EYS: variants seen among roughly 807,000 people sequenced by gnomAD.
The protein encoded by EYS is protein eyes shut homolog.
EYS carries 250 observed loss-of-function variants against 282.1 expected under a neutral mutation model. The ratio of observed to expected loss-of-function variants is 0.89; its 90% CI spans 0.80 to 0.98. The LOEUF (loss-of-function observed/expected upper bound fraction) is 0.98, where lower values mean the gene tolerates loss of function less well. Ranked by LOEUF, EYS falls within the 50% of genes least tolerant of loss-of-function variation. The pLI is 0.00. For missense variants in EYS, 4,016 were observed against 3,709.0 expected (o/e 1.08, Z -2.15); for synonymous variants, 1,355 against 1,282.9 (o/e 1.06, Z -1.20).
intron 26 of EYS, among the ~76,000 whole-genome samples, chr6:64,528,835 C>T (rs1237252671): frequency 1.2e-4 from 18 of 151,980 alleles, no homozygotes; most frequent in Admixed American, 1.2e-3. Context: ...GGTCATGTTA[C>T]AGATTTGGTG....
intron 36 of EYS, among the ~76,000 whole-genome samples, chr6:63,834,722 A>G (rs1194292294): frequency 6.6e-6 from 1 of 151,946 alleles, no homozygotes; most frequent in Non-Finnish European, 1.5e-5. Flanking sequence ...AAAAGATTAT[A>G]AATCATGCTG....
intron 35 of EYS, among the ~76,000 whole-genome samples, chr6:63,865,521 A>C (rs1384737296): frequency 1.3e-5 from 2 of 151,422 alleles, no homozygotes; most frequent in African/African-American, 4.9e-5. Context: ...TACAGATCTT[A>C]GGAGTTTACA....
intron 31 of EYS, among the ~76,000 whole-genome samples, chr6:64,143,356 TAAA>T (rs60699526): frequency 0.027 from 2,416 of 89,786 alleles, 76 homozygotes; most frequent in African/African-American, 0.069. Context: ...TCATTTATTG[TAAA>T]AAAAAAAAAA....
intron 2 of EYS, among the ~76,000 whole-genome samples, chr6:65,522,109 T>C (rs1767396133): frequency 1.3e-5 from 2 of 152,204 alleles, no homozygotes; most frequent in Non-Finnish European, 2.9e-5. Flanking sequence ...CAAAAATATT[T>C]AGTATTTCTA....
intron 2 of EYS, among the ~76,000 whole-genome samples, chr6:65,620,298 G>A (rs1472903513): frequency 3.9e-5 from 6 of 152,214 alleles, no homozygotes; most frequent in South Asian, 2.1e-4. Flanking sequence ...TGTATGTGTC[G>A]AGGAATTCAT....
intron 6 of EYS, among the ~76,000 whole-genome samples, chr6:65,404,603 GTTC>G (rs984003344): frequency 6.6e-6 from 1 of 151,604 alleles, no homozygotes. Context: ...AGTAAAAAAT[GTTC>G]TTCTATAAAC....
intron 35 of EYS, among the ~76,000 whole-genome samples, chr6:63,904,386 GAT>G (rs1773726845): frequency 1.3e-5 from 2 of 151,866 alleles, no homozygotes; most frequent in South Asian, 4.2e-4. Context: ...AGCAACTGAT[GAT>G]ATAGCAATGT....
At chr6:63,874,646 TTGAGCAG>T (rs983932723) in intron 35 of EYS, among the ~76,000 whole-genome samples, 29 of 152,178 alleles carry the variant, frequency 1.9e-4, no homozygotes, top group Non-Finnish European at 2.9e-5. Flanking sequence ...TGTTCTTCCA[TTGAGCAG>T]TGGTTTGTAG....
At chr6:64,635,827 G>T (rs1166736273) in intron 22 of EYS, among the ~76,000 whole-genome samples, 2 of 152,184 alleles carry the variant, frequency 1.3e-5, no homozygotes, top group East Asian at 1.9e-4. Context: ...TCAGGATGAT[G>T]CTGGCTTCAT....
Position 64,403,584 on chromosome 6 carries a change from C to T in EYS, c.5928-14744G>A, listed in dbSNP as rs187491482. On this transcript the variant is annotated intron_variant, in intron 28 of 42. Transcript: ENST00000503581. Reference sequence around the variant, plus strand: ...ATATTGGCCAGGCTGGTCTCGGACTCCTGACCTTGTGATCTGCCTGCCTCA... The same window carrying T: ...ATATTGGCCAGGCTGGTCTCGGACTTCTGACCTTGTGATCTGCCTGCCTCA... Among the ~76,000 whole-genome samples the T allele has an allele frequency of 1.4e-4, 22 of 152,232 alleles. No individual in the cohort carries two copies. In the East Asian group the frequency reaches 4.1e-3, roughly 28 times the overall value.
chr6:65,255,059 C>G (rs952264221), intron 12 of EYS, among the ~76,000 whole-genome samples: 1 of 151,576 alleles, frequency 6.6e-6, no homozygotes, highest in Non-Finnish European at 1.5e-5. Flanking sequence ...ACAAAAGACC[C>G]AGAATAGCCA....
At chr6:63,996,061 A>AAT (rs1767820907) in intron 34 of EYS, among the ~76,000 whole-genome samples, 1 of 151,996 alleles carries the variant, frequency 6.6e-6, no homozygotes, top group African/African-American at 2.4e-5. Context: ...GTACCTGATA[A>AAT]ATATATACTA....
chr6:65,391,207 A>G (rs980175221), intron 7 of EYS, among the ~76,000 whole-genome samples: 14 of 152,132 alleles, frequency 9.2e-5, no homozygotes, highest in Admixed American at 1.3e-4. Context: ...GGGCCAGATT[A>G]CAGGATACCT....
intron 19 of EYS, among the ~76,000 whole-genome samples, chr6:64,857,623 A>C (rs937908262): frequency 1.3e-5 from 2 of 152,184 alleles, no homozygotes; most frequent in Non-Finnish European, 2.9e-5. Flanking sequence ...ATATGTATTC[A>C]GAAGTAGATA....
At position 65,300,352 on chromosome 6, in the gene EYS, C is replaced by T. The variant is rs145945262; in HGVS notation, c.1767-4233G>A. ...TCCTTACTTGACTTCCTATTTTAAG[C>T]GAAGTATATTATTTTTAGGTTAGAC... On this transcript the variant is annotated intron_variant, in intron 11 of 42. Coordinates refer to ENST00000503581, the MANE Select transcript of EYS (RefSeq NM_001142800.2). Among the ~76,000 whole-genome samples, 186 of 152,182 alleles carry T rather than the reference C, an allele frequency of 1.2e-3. 1 individual carries two copies. The highest frequency in any genetic ancestry group is 4.0e-3 in the African/African-American group (167 of 41,530).
At chr6:65,535,677 T>C (rs2127314276) in intron 2 of EYS, among the ~76,000 whole-genome samples, 1 of 152,322 alleles carries the variant, frequency 6.6e-6, no homozygotes, top group Admixed American at 6.5e-5. Context: ...TGAAGGCTGT[T>C]ACCAGAGGAT....
At chr6:65,472,465 A>G (rs898749501) in intron 5 of EYS, among the ~76,000 whole-genome samples, 2 of 152,076 alleles carry the variant, frequency 1.3e-5, no homozygotes, top group Non-Finnish European at 2.9e-5. Context: ...TAACTTAAAA[A>G]TTTTTTAATG....
intron 41 of EYS, chr6:63,744,816 C>T: frequency 4.5e-6 from 1 of 219,854 alleles, no homozygotes; most frequent in South Asian, 5.0e-5. Context: ...GATTTGCCCG[C>T]CTTGGCCTCC....
At chr6:63,726,823 C>A in intron 41 of EYS, 143 bp from the exon 42 acceptor site, 1 of 702,440 alleles carries the variant, frequency 1.4e-6, no homozygotes, top group Non-Finnish European at 2.3e-6. Context: ...TACATCAAAC[C>A]TTGGTAACTT....
Sources: gnomAD v4.1 joint callset for allele counts (sites outside exome capture counted in the v4.1 genomes callset) on GRCh38, gnomAD v4.1.1 for gene constraint, MANE v1.5 for transcripts, NCBI Gene and HGNC (gene_info 2026-07-23, HGNC 2026-07-21) for gene names.